Variants in ST6GALNAC5 observed in about 807,000 individuals in gnomAD.
The protein encoded by ST6GALNAC5 is alpha-N-acetylgalactosaminide alpha-2,6-sialyltransferase 5.
A neutral mutation model predicts 33.6 loss-of-function variants in ST6GALNAC5; 27 were observed. The observed-to-expected ratio is 0.80, with a 90% CI of 0.59 to 1.11. The LOEUF (loss-of-function observed/expected upper bound fraction) is 1.11, where lower values mean the gene tolerates loss of function less well. Among genes scored for constraint, ST6GALNAC5 ranks in the 50% least tolerant of loss-of-function variants. The probability of loss-of-function intolerance (pLI) is 0.00; values close to 1 mark genes in which losing one functional copy is unlikely to be tolerated. For missense variants in ST6GALNAC5, 428 were observed against 454.0 expected (o/e 0.94, Z 0.52); for synonymous variants, 194 against 171.2 (o/e 1.13, Z -1.04).
At chr1:76,974,770 T>TTTC (rs1648930714) in intron 2 of ST6GALNAC5, among the ~76,000 whole-genome samples, 5 of 111,280 alleles carry the variant, frequency 4.5e-5, no homozygotes, top group Admixed American at 2.2e-4. Context: ...TTTTTCTTTC[T>TTTC]TTCTTTTTTT....
At chr1:76,876,130 G>C (rs1020648871) in intron 2 of ST6GALNAC5, among the ~76,000 whole-genome samples, 1 of 152,242 alleles carries the variant, frequency 6.6e-6, no homozygotes, top group African/African-American at 2.4e-5. Flanking sequence ...GTCTATTCCA[G>C]TTAGGACAAA....
At chr1:76,904,016 C>T (rs968967140) in intron 2 of ST6GALNAC5, among the ~76,000 whole-genome samples, 3 of 152,092 alleles carry the variant, frequency 2.0e-5, no homozygotes, top group Admixed American at 6.6e-5. Context: ...CATCCAATTC[C>T]GTGAATTTAG....
intron 2 of ST6GALNAC5, among the ~76,000 whole-genome samples, chr1:76,967,009 T>C (rs753348022): frequency 5.9e-5 from 9 of 152,240 alleles, no homozygotes; most frequent in South Asian, 2.1e-4. Flanking sequence ...CAGTATTTTA[T>C]TGAGGATTTT....
intron 3 of ST6GALNAC5, among the ~76,000 whole-genome samples, chr1:77,046,368 A>G (rs1452222215): frequency 6.6e-6 from 1 of 152,274 alleles, no homozygotes; most frequent in Non-Finnish European, 1.5e-5. Context: ...ACTTAAGTAC[A>G]GTGCCCCCAA....
intron 4 of ST6GALNAC5, among the ~76,000 whole-genome samples, chr1:77,061,801 T>G (rs1011156771): frequency 1.3e-5 from 2 of 152,132 alleles, no homozygotes; most frequent in Non-Finnish European, 2.9e-5. Flanking sequence ...CACATGTTAA[T>G]CCTATGCACA....
At chr1:76,899,514 C>T (rs552718511) in intron 2 of ST6GALNAC5, among the ~76,000 whole-genome samples, 88 of 152,208 alleles carry the variant, frequency 5.8e-4, no homozygotes, top group African/African-American at 1.8e-3. Context: ...CCCAGAAAAG[C>T]GGGACTTGCC....
Position 76,963,503 on chromosome 1 carries a change from G to A in ST6GALNAC5, c.262-80701G>A, listed in dbSNP as rs138564109. Reference sequence around the variant, plus strand: ...CATGGGGACTAAGGAAGACATTCAGGACAGACCTGAATTGAAGAATGGGGT... The same window carrying A: ...CATGGGGACTAAGGAAGACATTCAGAACAGACCTGAATTGAAGAATGGGGT... On this transcript the variant is annotated intron_variant, in intron 2 of 4. Transcript: ENST00000477717. Among the ~76,000 whole-genome samples the A allele has an allele frequency of 4.7e-3, 712 of 152,288 alleles. 9 individuals carry two copies. The highest frequency in any genetic ancestry group is 0.015 in the African/African-American group (621 of 41,572).
chr1:77,058,873 G>A (rs1363321455), intron 4 of ST6GALNAC5, among the ~76,000 whole-genome samples: 1 of 152,130 alleles, frequency 6.6e-6, no homozygotes, highest in Non-Finnish European at 1.5e-5. Context: ...CCTATCAAAT[G>A]GGAGCTGCAA....
intron 2 of ST6GALNAC5, among the ~76,000 whole-genome samples, chr1:76,934,708 G>C (rs1381306445): frequency 6.6e-6 from 1 of 152,020 alleles, no homozygotes; most frequent in Non-Finnish European, 1.5e-5. Flanking sequence ...TGAAAGCCCA[G>C]GGAGTACTGT....
intron 3 of ST6GALNAC5, among the ~76,000 whole-genome samples, chr1:77,047,005 T>G (rs1293807444): frequency 6.6e-6 from 1 of 152,194 alleles, no homozygotes; most frequent in Non-Finnish European, 1.5e-5. Context: ...TACTGGCCAA[T>G]GAGAAGCTTT....
chr1:76,918,805 G>A (rs2100293789), intron 2 of ST6GALNAC5, among the ~76,000 whole-genome samples: 1 of 152,060 alleles, frequency 6.6e-6, no homozygotes, highest in Non-Finnish European at 1.5e-5. Flanking sequence ...ACACACACAG[G>A]CACGCATAGA....
At chr1:76,994,096 A>G (rs1428841183) in intron 2 of ST6GALNAC5, among the ~76,000 whole-genome samples, 1 of 152,114 alleles carries the variant, frequency 6.6e-6, no homozygotes, top group Non-Finnish European at 1.5e-5. Context: ...CAAATCAGCC[A>G]CTCTTGCAAG....
intron 2 of ST6GALNAC5, among the ~76,000 whole-genome samples, chr1:76,980,359 T>A (rs1383465115): frequency 2.0e-5 from 3 of 152,228 alleles, no homozygotes; most frequent in Non-Finnish European, 4.4e-5. Flanking sequence ...TCTCATTTTT[T>A]GCATTGATGA....
At chr1:76,973,348 G>A (rs971006483) in intron 2 of ST6GALNAC5, among the ~76,000 whole-genome samples, 1 of 151,930 alleles carries the variant, frequency 6.6e-6, no homozygotes, top group African/African-American at 2.4e-5. Context: ...ATGGAAGAGT[G>A]GATGTTGTAG....
chr1:76,912,148 G>C (rs1011574861), intron 2 of ST6GALNAC5, among the ~76,000 whole-genome samples: 1 of 151,896 alleles, frequency 6.6e-6, no homozygotes, highest in African/African-American at 2.4e-5. Flanking sequence ...TGGTTTCAGA[G>C]AACATCTTTA....
chr1:76,991,839 G>GCGCA (rs146498847), intron 2 of ST6GALNAC5, among the ~76,000 whole-genome samples: 15 of 149,456 alleles, frequency 1.0e-4, no homozygotes, highest in South Asian at 6.4e-4. Flanking sequence ...ACGCGTGTGC[G>GCGCA]CACACACACA....
chr1:76,984,144 C>T (rs944180738), intron 2 of ST6GALNAC5, among the ~76,000 whole-genome samples: 34 of 152,052 alleles, frequency 2.2e-4, no homozygotes, highest in African/African-American at 7.5e-4. Context: ...TAGCAGAAGG[C>T]AAGAAATAAC....
At chr1:76,975,660 G>A (rs1056316058) in intron 2 of ST6GALNAC5, among the ~76,000 whole-genome samples, 30 of 152,082 alleles carry the variant, frequency 2.0e-4, no homozygotes, top group Admixed American at 3.9e-4. Flanking sequence ...CAAAAGAAAA[G>A]CAGACACAAA....
intron 2 of ST6GALNAC5, among the ~76,000 whole-genome samples, chr1:76,894,482 G>C (rs1051108519): frequency 2.6e-5 from 4 of 152,094 alleles, no homozygotes; most frequent in East Asian, 1.9e-4. Flanking sequence ...AGGCAGGGGG[G>C]GGATCTTTAA....
Sources: allele counts gnomAD v4.1 joint callset (sites outside exome capture counted in the v4.1 genomes callset), GRCh38; gene constraint gnomAD v4.1.1; transcripts MANE v1.5; gene names NCBI Gene and HGNC (gene_info 2026-07-23, HGNC 2026-07-21).